The following SYNE1 variants were observed in gnomAD, a reference collection of about 807,000 sequenced individuals.
The protein encoded by SYNE1 is nesprin-1.
SYNE1 carries 616 observed loss-of-function variants against 1,111.0 expected under a neutral mutation model. The observed-to-expected ratio is 0.55, with a 90% CI of 0.52 to 0.59. The LOEUF is 0.59. SYNE1 is among the 20% of genes least tolerant of loss of function. The pLI is 0.00. For synonymous variants in SYNE1, 3,855 were observed against 3,825.8 expected, an observed-to-expected ratio of 1.01 and a Z score of -0.28; for missense variants, 10,006 against 10,417.0, an observed-to-expected ratio of 0.96 and a Z score of 1.72.
At chr6:152,235,043 T>A (rs936885227) in intron 110 of SYNE1, among the ~76,000 whole-genome samples, 1 of 152,184 alleles carries the variant, frequency 6.6e-6, no homozygotes, top group African/African-American at 2.4e-5. Flanking sequence ...CTCTTTCACA[T>A]TGATGCTACT....
rs2098558224 is a variant in SYNE1, at chr6:152,444,520, T to A, written c.3728A>T (p.Asn1243Ile). ...GCCAGAAATTAATTCTTCGAGAGAA[T>A]TTTTGACTATTTCTTTGTACTGGAC... is the stretch of plus-strand genomic sequence containing the variant. ...DCVQYKEIVK[N>I]SLEELISGSK... Residue 1243 changes from asparagine (N) to isoleucine (I), a missense_variant, in exon 30 of 146, where the codon AAT becomes ATT. By Grantham distance (149) the Asn-to-Ile change is moderately radical. Around this residue, in one of 7 missense-constraint regions of SYNE1, gnomAD observed 1,971 missense variants for 2,084.1 expected, o/e 0.95. Coordinates refer to ENST00000367255, the MANE Select transcript of SYNE1 (RefSeq NM_182961.4). 6.2e-7 allele frequency: 1 copy of A among 1,613,814 alleles called. No homozygotes were observed. Among genetic ancestry groups the A allele is most frequent in the East Asian group, 2.2e-5 (1 of 44,864 alleles).
In SYNE1 at chr6:152,525,930, G is replaced by A. The variant is rs2099161494; in HGVS notation, c.225+150C>T. 6.3e-5 allele frequency: 45 copies of A among 712,590 alleles called. 2 individuals carry two copies. The South Asian group carries it at 6.7e-4, about 11-fold the overall frequency. 44.1% of individuals were successfully genotyped at this position (712,590 alleles called of 1,614,324 possible). Reference sequence around the variant, plus strand: ...AATATATTCCTTGCACCTAGAAGTAGAAGTGCCAGCAGTGTTTCCAGTATA... The same window carrying A: ...AATATATTCCTTGCACCTAGAAGTAAAAGTGCCAGCAGTGTTTCCAGTATA... On this transcript the variant is annotated intron_variant, in intron 5 of 145. Coordinates refer to ENST00000367255, the MANE Select transcript of SYNE1 (RefSeq NM_182961.4).
intron 11 of SYNE1, among the ~76,000 whole-genome samples, chr6:152,496,397 T>C (rs1045686971): frequency 2.6e-5 from 4 of 152,182 alleles, no homozygotes; most frequent in Non-Finnish European, 5.9e-5. Flanking sequence ...CTGAACCGCC[T>C]TGGGCACTCT....
chr6:152,348,894 T>C (rs1167885108), intron 72 of SYNE1, among the ~76,000 whole-genome samples: 4 of 152,174 alleles, frequency 2.6e-5, no homozygotes, highest in Non-Finnish European at 4.4e-5. Flanking sequence ...CTAGCAGTTA[T>C]CATATATGCT....
intron 115 of SYNE1, among the ~76,000 whole-genome samples, chr6:152,226,531 A>G (rs1272033505): frequency 6.6e-6 from 1 of 152,248 alleles, no homozygotes; most frequent in African/African-American, 2.4e-5. Context: ...ATATGCATTC[A>G]TAATTGTCAG....
chr6:152,552,232 A>G (rs2099349591), intron 3 of SYNE1, among the ~76,000 whole-genome samples: 1 of 152,148 alleles, frequency 6.6e-6, no homozygotes, highest in Admixed American at 6.5e-5. Flanking sequence ...AACAAACATG[A>G]CTGTTCTCAG....
At chr6:152,311,861 C>T (rs1163970154) in intron 87 of SYNE1, among the ~76,000 whole-genome samples, 3 of 151,954 alleles carry the variant, frequency 2.0e-5, no homozygotes, top group Non-Finnish European at 4.4e-5. Context: ...CTGCAAGCTC[C>T]GCCTCCCGGG....
At position 152,391,580 on chromosome 6, in the gene SYNE1, GAAAAAA is replaced by G; in HGVS notation, c.7713-18_7713-13del. ...TATCAAGAGACTCTCTGAAAAAAAG[GAAAAAA>G]AAAAAAAAGAAAAAAAATTAATTCT... On this transcript the variant is annotated splice_polypyrimidine_tract_variant and intron_variant, in intron 51 of 145. Transcript: ENST00000367255. 1.5e-6 allele frequency: 2 copies of G among 1,337,114 alleles called. No individual in the cohort carries two copies. The highest frequency in any genetic ancestry group is 2.8e-5 in the East Asian group (1 of 36,286). The allele number at this position is 1,337,114 out of a possible 1,614,324, so 82.8% of individuals were successfully genotyped here.
intron 78 of SYNE1, among the ~76,000 whole-genome samples, chr6:152,328,077 C>T (rs546117494): frequency 8.5e-5 from 13 of 152,212 alleles, no homozygotes; most frequent in Admixed American, 4.6e-4. Context: ...GAGGTTACTT[C>T]GTGTCAGACC....
At chr6:152,524,334 G>T (rs540134715) in intron 5 of SYNE1, among the ~76,000 whole-genome samples, 15 of 151,984 alleles carry the variant, frequency 9.9e-5, no homozygotes, top group Middle Eastern at 3.2e-3. Context: ...AATTCTGTTT[G>T]TATGATGTAT....
In SYNE1 at chr6:152,208,063, C is replaced by G. The variant is rs1215390720; in HGVS notation, c.22733G>C (p.Trp7578Ser). 2.5e-6 allele frequency: 4 copies of G among 1,614,106 alleles called. No homozygotes were observed. The highest frequency in any genetic ancestry group is 3.4e-6 in the Non-Finnish European group (4 of 1,180,020). ...YREMAEKLRK[W>S]LVEVSYLPMS... is the part of the protein sequence containing the mutation. ...GGGGAGGTAGGACACTTCAACCAAC[C>G]ATTTACGAAGCTTTTCTGCCATCTC... is the stretch of plus-strand genomic sequence containing the variant. The change falls in exon 125 of 146, where the codon TGG becomes TCG. Residue 7578 changes from tryptophan to serine, a missense_variant. By Grantham distance (177) the Trp-to-Ser change is radical. Coordinates refer to ENST00000367255, the MANE Select transcript of SYNE1 (RefSeq NM_182961.4).
intron 32 of SYNE1, among the ~76,000 whole-genome samples, chr6:152,440,854 A>G (rs1417128974): frequency 1.4e-4 from 21 of 151,918 alleles, no homozygotes; most frequent in African/African-American, 4.8e-4. Context: ...GAGTTGAGTC[A>G]CAGCGCGCGG....
intron 39 of SYNE1, among the ~76,000 whole-genome samples, chr6:152,420,615 G>C (rs1000281984): frequency 7.9e-5 from 12 of 152,056 alleles, no homozygotes; most frequent in Admixed American, 7.9e-4. Context: ...GTGAGACTCT[G>C]TCTCAAAAGA....
Position 152,321,207 on chromosome 6 carries a change from G to A in SYNE1, c.16236+31C>T, listed in dbSNP as rs188152752. The A allele has an allele frequency of 3.5e-5, 56 of 1,611,924 alleles. 2 individuals are homozygous for A. The Admixed American group carries it at 7.0e-4, about 20-fold the overall frequency. ...GAGGACTGACCCTATAAACAAAATG[G>A]AAAGACACTCTTTCTTGATCATAGG... On this transcript the variant is annotated intron_variant, in intron 84 of 145. Coordinates refer to ENST00000367255, the MANE Select transcript of SYNE1 (RefSeq NM_182961.4).
chr6:152,540,171 A>G (rs573277244), intron 3 of SYNE1, 150 bp from the exon 4 acceptor site: 1 of 782,726 alleles, frequency 1.3e-6, no homozygotes, highest in African/African-American at 1.7e-5. Context: ...AAAAGTCAAC[A>G]AGAGTCGATC....
rs1264744522 is a variant in SYNE1 at position 152,401,267 on chromosome 6, C to A, written c.6900G>T (p.Lys2300Asn). Residue 2300 changes from lysine (K) to asparagine (N), a missense_variant, in exon 47 of 146, where the codon AAG becomes AAT. By Grantham distance (94) the Lys-to-Asn change is moderately conservative. Coordinates refer to ENST00000367255, the MANE Select transcript of SYNE1 (RefSeq NM_182961.4). ...EITEVAKGTL[K>N]DFTAQSTQVE... is the part of the protein sequence containing the mutation. Reference sequence around the variant, plus strand: ...CTTGTGTACTTTGAGCCGTGAAATCCTTCAGGGTTCCTTTTGCTACTTCAG... The same window carrying A: ...CTTGTGTACTTTGAGCCGTGAAATCATTCAGGGTTCCTTTTGCTACTTCAG... The A allele has an allele frequency of 1.2e-6, 2 of 1,614,104 alleles. No homozygotes were observed. Among genetic ancestry groups the A allele is most frequent in the Admixed American group, 3.3e-5 (2 of 60,010 alleles).
chr6:152,317,009 G>T (rs1172813175), intron 86 of SYNE1, 23 bp from the exon 87 acceptor site: 2 of 1,612,744 alleles, frequency 1.2e-6, no homozygotes, highest in African/African-American at 1.3e-5. Flanking sequence ...TAACATTAAT[G>T]TAACAAATGT....
intron 101 of SYNE1, among the ~76,000 whole-genome samples, chr6:152,258,622 C>A (rs2091383026): frequency 6.6e-6 from 1 of 152,080 alleles, no homozygotes; most frequent in Admixed American, 6.5e-5. Context: ...CATTATTAAC[C>A]CCATTTCCCC....
chr6:152,176,671 G>C, intron 129 of SYNE1, 111 bp from the exon 130 acceptor site: 3 of 1,103,312 alleles, frequency 2.7e-6, no homozygotes, highest in Non-Finnish European at 4.1e-6. Flanking sequence ...GAAGTAGTTT[G>C]AGCATAGGAA....
Sources: gnomAD v4.1 joint callset for allele counts (sites outside exome capture counted in the v4.1 genomes callset) on GRCh38, gnomAD v4.1.1 for gene constraint, gnomAD v4.1.1 regional missense constraint, MANE v1.5 for transcripts, NCBI Gene and HGNC (gene_info 2026-07-23, HGNC 2026-07-21) for gene names.